Variants in ARB2A observed in about 807,000 individuals in gnomAD.
ARB2A encodes the protein ARB2 cotranscriptional regulator A, also known as cotranscriptional regulator ARB2A.
At chr5:93,995,211 G>A in the ARB2A span, among the ~76,000 whole-genome samples, 13 of 152,140 alleles carry the variant, frequency 8.5e-5, no homozygotes, top group Non-Finnish European at 1.6e-4. Context: ...GTAAGCTCAC[G>A]TGTTGTGAGT....
chr5:93,794,879 G>C, the ARB2A span, among the ~76,000 whole-genome samples: 2 of 152,164 alleles, frequency 1.3e-5, no homozygotes, highest in South Asian at 4.1e-4. Context: ...GTTTTGTGTT[G>C]ATTGGTCTCC....
chr5:93,684,235 C>G, the ARB2A span, among the ~76,000 whole-genome samples: 1 of 152,094 alleles, frequency 6.6e-6, no homozygotes, highest in Non-Finnish European at 1.5e-5. Context: ...AGGAATCTGG[C>G]CCTGGGAGTC....
the ARB2A span, among the ~76,000 whole-genome samples, chr5:93,995,784 G>C: frequency 1.3e-5 from 2 of 152,166 alleles, no homozygotes; most frequent in African/African-American, 4.8e-5. Context: ...AGTTTGACAA[G>C]AGGGTAAATC....
the ARB2A span, among the ~76,000 whole-genome samples, chr5:94,080,162 A>T: frequency 6.6e-6 from 1 of 152,138 alleles, no homozygotes; most frequent in Non-Finnish European, 1.5e-5. Flanking sequence ...AATATACCAC[A>T]CTCAAAATTT....
At chr5:94,001,115 T>C in the ARB2A span, among the ~76,000 whole-genome samples, 1 of 152,094 alleles carries the variant, frequency 6.6e-6, no homozygotes, top group African/African-American at 2.4e-5. Flanking sequence ...TTCAATATTG[T>C]GTTGGCTATT....
the ARB2A span, among the ~76,000 whole-genome samples, chr5:93,852,992 A>G: frequency 1.3e-5 from 2 of 152,312 alleles, no homozygotes; most frequent in Middle Eastern, 3.4e-3. Context: ...AATTCTGTGA[A>G]GAAAGTCATT....
the ARB2A span, among the ~76,000 whole-genome samples, chr5:93,768,891 C>A: frequency 6.6e-6 from 1 of 151,800 alleles, no homozygotes; most frequent in Non-Finnish European, 1.5e-5. Flanking sequence ...GCCCTCCCTA[C>A]ATGTTAATAA....
the ARB2A span, among the ~76,000 whole-genome samples, chr5:93,808,471 G>A: frequency 1.3e-5 from 2 of 151,054 alleles, no homozygotes; most frequent in Non-Finnish European, 3.0e-5. Context: ...AATGTTATGG[G>A]AGAAATCATT....
the ARB2A span, chr5:93,860,645 C>CTTTTT: frequency 1.4e-5 from 2 of 138,238 alleles, no homozygotes; most frequent in Non-Finnish European, 3.2e-5. Flanking sequence ...AAGATTGTTT[C>CTTTTT]TTTCTTTTTT....
the ARB2A span, among the ~76,000 whole-genome samples, chr5:93,726,186 T>C: frequency 2.0e-5 from 3 of 152,116 alleles, no homozygotes; most frequent in South Asian, 2.1e-4. Flanking sequence ...AATTGTGGCC[T>C]GTATATTAAA....
the ARB2A span, among the ~76,000 whole-genome samples, chr5:94,084,112 G>A: frequency 6.6e-6 from 1 of 151,314 alleles, no homozygotes; most frequent in East Asian, 1.9e-4. Flanking sequence ...CATCTCTACT[G>A]AGTATACAAA....
the ARB2A span, among the ~76,000 whole-genome samples, chr5:93,965,287 T>C: frequency 6.6e-6 from 1 of 151,936 alleles, no homozygotes; most frequent in Non-Finnish European, 1.5e-5. Flanking sequence ...GTAGCTTTTA[T>C]AAAGTGGAAT....
At chr5:93,788,458 T>A in the ARB2A span, among the ~76,000 whole-genome samples, 4 of 152,154 alleles carry the variant, frequency 2.6e-5, no homozygotes, top group African/African-American at 9.7e-5. Context: ...ACCTTTTCTG[T>A]CCACCTAATT....
the ARB2A span, among the ~76,000 whole-genome samples, chr5:94,095,503 C>CCA: frequency 2.0e-5 from 3 of 152,120 alleles, no homozygotes; most frequent in East Asian, 5.8e-4. Context: ...CTCCATCTCT[C>CCA]ACTACAATCA....
the ARB2A span, among the ~76,000 whole-genome samples, chr5:93,711,240 C>A: frequency 2.0e-5 from 3 of 150,306 alleles, no homozygotes; most frequent in Admixed American, 6.6e-5. Flanking sequence ...TATCTCCCCC[C>A]ACCCCATTTC....
chr5:93,960,319 C>G, the ARB2A span, among the ~76,000 whole-genome samples: 3 of 152,092 alleles, frequency 2.0e-5, no homozygotes, highest in Non-Finnish European at 2.9e-5. Flanking sequence ...TTCATTGAAG[C>G]CTTCCCTGAC....
At chr5:93,826,075 A>G in the ARB2A span, among the ~76,000 whole-genome samples, 2 of 152,172 alleles carry the variant, frequency 1.3e-5, no homozygotes, top group African/African-American at 4.8e-5. Flanking sequence ...AAGTTGCAAA[A>G]GTTATGTAAT....
At chr5:93,787,857 T>C in the ARB2A span, among the ~76,000 whole-genome samples, 1 of 152,146 alleles carries the variant, frequency 6.6e-6, no homozygotes, top group South Asian at 2.1e-4. Flanking sequence ...AAACTGACAA[T>C]AGCACTTTAA....
the ARB2A span, among the ~76,000 whole-genome samples, chr5:93,723,533 T>A: frequency 6.6e-6 from 1 of 152,276 alleles, no homozygotes; most frequent in African/African-American, 2.4e-5. Flanking sequence ...CTATAAAGCA[T>A]TTCATAAAGG....
Sources: gnomAD v4.1 joint callset for allele counts (sites outside exome capture counted in the v4.1 genomes callset) on GRCh38, gnomAD v4.1.1 for gene constraint, MANE v1.5 for transcripts, NCBI Gene and HGNC (gene_info 2026-07-23, HGNC 2026-07-21) for gene names.